Variants in CIDEB observed in about 807,000 individuals in gnomAD.
CIDEB encodes the protein lipid transferase CIDEB.
A neutral mutation model predicts 22.4 loss-of-function variants in CIDEB; 27 were observed. That is an observed-to-expected ratio of 1.21 (90% CI 0.89 to 1.66). The LOEUF (loss-of-function observed/expected upper bound fraction) is 1.66. Ranked by LOEUF, CIDEB falls within the 40% of genes most tolerant of loss-of-function variation. CIDEB has a pLI of 0.00. For missense variants in CIDEB, 289 were observed against 268.7 expected, an observed-to-expected ratio of 1.08 and a Z score of -0.53; for synonymous variants, 103 against 109.5, an observed-to-expected ratio of 0.94 and a Z score of 0.37.
upstream of CIDEB, chr14:24,311,088 C>T: frequency 6.4e-7 from 1 of 1,562,762 alleles, no homozygotes; most frequent in Non-Finnish European, 8.6e-7. Flanking sequence ...CCGCCGCCTG[C>T]TGCTGGCGGT....
chr14:24,310,398 C>T (rs1203450764), upstream of CIDEB: 2 of 629,192 alleles, frequency 3.2e-6, no homozygotes. Flanking sequence ...TGACTTTATG[C>T]CTGTTTACCA....
chr14:24,311,209 T>G, upstream of CIDEB: 2 of 1,608,976 alleles, frequency 1.2e-6, no homozygotes, highest in Non-Finnish European at 1.7e-6. Flanking sequence ...GCCGCCCACC[T>G]GAGCCTGGAG....
chr14:24,307,896 TG>T lies in CIDEB; in HGVS notation c.-39del. 1 of 1,556,198 alleles carries T rather than the reference TG, an allele frequency of 6.4e-7. No homozygotes were observed. The highest frequency in any genetic ancestry group is 8.7e-7 in the Non-Finnish European group (1 of 1,145,464). On this transcript the variant is annotated 5_prime_UTR_variant, in exon 1 of 5. Transcript: ENST00000554411. ...AGTTCCTTCCCTGGAACTTCTGGGC[TG>T]GGTGGTTCTCTCCTGTGCTGGGGCT...
chr14:24,306,522 G>T lies in CIDEB; in HGVS notation c.188C>A (p.Ala63Glu), dbSNP rs1459313856. ...TCCATTCAGCAGTAGGGTCTCCAAT[G>T]CCTGCCCAATGGCAAGAAGCAAGAA... ...AATRQELLAK[A>E]LETLLLNGVL... The change falls in exon 3 of 5, where the codon GCA becomes GAA. Residue 63 changes from alanine to glutamate, a missense_variant and splice_region_variant. Coordinates refer to ENST00000554411, the MANE Select transcript of CIDEB (RefSeq NM_001393339.1). 7 of 1,614,224 alleles carry T rather than the reference G, an allele frequency of 4.3e-6. No homozygotes were observed. Among genetic ancestry groups the T allele is most frequent in the Middle Eastern group, 1.6e-4 (1 of 6,062 alleles).
At position 24,305,515 on chromosome 14, in the gene CIDEB, T is replaced by C; in HGVS notation, c.*118A>G. 1.1e-5 allele frequency: 14 copies of C among 1,255,884 alleles called. No individual in the cohort carries two copies. Among genetic ancestry groups the C allele is most frequent in the Non-Finnish European group, 1.6e-5 (14 of 902,498 alleles). 77.8% of individuals were successfully genotyped at this position (1,255,884 alleles called of 1,614,324 possible). A position where few individuals can be genotyped will look rare whatever the true frequency, so the allele number is the denominator to read the frequency against. Reference sequence around the variant, plus strand: ...CTGTCACGAGGGGATCAGAGGACAGTGGGGAAATTGGGTGGGTTATCTAGC... The same window carrying C: ...CTGTCACGAGGGGATCAGAGGACAGCGGGGAAATTGGGTGGGTTATCTAGC... On this transcript the variant is annotated 3_prime_UTR_variant, in exon 5 of 5. Transcript: ENST00000554411.
chr14:24,305,221 G>A lies in CIDEB; in HGVS notation c.*412C>T, dbSNP rs1406814585. The A allele has an allele frequency of 1.9e-6, 2 of 1,062,570 alleles. No homozygotes were observed. The highest frequency in any genetic ancestry group is 2.3e-5 in the South Asian group (1 of 43,736). 65.8% of individuals were successfully genotyped at this position (1,062,570 alleles called of 1,614,324 possible). On this transcript the variant is annotated 3_prime_UTR_variant, in exon 5 of 5. Transcript: ENST00000554411. Reference sequence around the variant, plus strand: ...AATATTTGATATTTTTATTGGAAATGTTTTTGTTAGTTTGAGGGGAAGGGT... The same window carrying A: ...AATATTTGATATTTTTATTGGAAATATTTTTGTTAGTTTGAGGGGAAGGGT...
upstream of CIDEB, chr14:24,308,182 G>GT: frequency 1.1e-5 from 4 of 372,832 alleles, no homozygotes; most frequent in South Asian, 2.9e-5. Flanking sequence ...GACTTCTGGT[G>GT]TTTTTTTATT....
At chr14:24,310,534 C>A, upstream of CIDEB, 6 of 1,008,258 alleles carry the variant, frequency 6.0e-6, no homozygotes, top group Middle Eastern at 2.0e-4. Context: ...GACTCCCAGG[C>A]AGAAAAGAGG....
At chr14:24,308,136 G>A, upstream of CIDEB, 1 of 513,542 alleles carries the variant, frequency 1.9e-6, no homozygotes. Flanking sequence ...CATGTGTTGT[G>A]AGGGTAGATG....
Position 24,307,494 on chromosome 14 carries a change from C to T in CIDEB, c.63G>A (p.Ser21=), listed in dbSNP as rs780852667. 8.1e-6 allele frequency: 13 copies of T among 1,613,776 alleles called. No homozygotes were observed. Among genetic ancestry groups the T allele is most frequent in the South Asian group, 4.4e-5 (4 of 91,044 alleles). ...AGGTCCAGACCCTCCGTCCAAACTC[C>T]GAGCTTATATTAGATACTGACCTGG... The part of the protein sequence containing the change: ...DLLRSVSNIS[S]EFGRRVWTSA... Residue 21 remains serine, a synonymous_variant, in exon 2 of 5, where the codon TCG becomes TCA. Transcript: ENST00000554411.
In CIDEB at chr14:24,307,234, C is replaced by T. The variant is rs191717119; in HGVS notation, c.186+137G>A. 5.4e-6 allele frequency: 5 copies of T among 922,276 alleles called. No individual in the cohort carries two copies. The East Asian group carries it at 1.2e-4, about 23-fold the overall frequency. The allele number at this position is 922,276 out of a possible 1,614,324, so 57.1% of individuals were successfully genotyped here. ...CAAATTGACCAGAGCTCATTAGGCC[C>T]ACTCCGCTGCTTTTAGCCCTCAGAG... On this transcript the variant is annotated intron_variant, in intron 2 of 4. Coordinates refer to ENST00000554411, the MANE Select transcript of CIDEB (RefSeq NM_001393339.1).
chr14:24,308,353 C>A, upstream of CIDEB: 1 of 204,950 alleles, frequency 4.9e-6, no homozygotes, highest in Non-Finnish European at 1.0e-5. Flanking sequence ...GGGATGGCAG[C>A]ATGGCAGGGC....
upstream of CIDEB, chr14:24,310,561 A>C (rs371376421): frequency 8.1e-7 from 1 of 1,230,824 alleles, no homozygotes; most frequent in South Asian, 1.2e-5. Context: ...GCAGGGAAGT[A>C]AGGAGGAGGC....
At chr14:24,306,912 G>C in intron 2 of CIDEB, 1 of 289,322 alleles carries the variant, frequency 3.5e-6, no homozygotes, top group Non-Finnish European at 6.7e-6. Flanking sequence ...TAACCTTTTT[G>C]AGTCCTTACT....
upstream of CIDEB, chr14:24,310,490 T>G: frequency 2.7e-6 from 2 of 743,188 alleles, no homozygotes; most frequent in Non-Finnish European, 4.8e-6. Context: ...AGGAGTTGTG[T>G]TTGAGGTGGG....
upstream of CIDEB, chr14:24,311,138 C>T (rs1187655388): frequency 8.2e-6 from 13 of 1,591,628 alleles, no homozygotes; most frequent in Non-Finnish European, 1.0e-5. Context: ...CGGCCGCCGT[C>T]TACCGCCACC....
At position 24,306,048 on chromosome 14, in the gene CIDEB, GT is replaced by G; in HGVS notation, c.425del (p.Asn142ThrfsTer9). The G allele has an allele frequency of 6.2e-7, 1 of 1,614,182 alleles. No homozygotes were observed. The highest frequency in any genetic ancestry group is 8.5e-7 in the Non-Finnish European group (1 of 1,180,026). On this transcript the variant is annotated frameshift_variant, in exon 4 of 5. Coordinates refer to ENST00000554411, the MANE Select transcript of CIDEB (RefSeq NM_001393339.1). LOFTEE classifies it high-confidence loss of function. The part of the protein sequence containing the change: ...ARFTFDVYKQ[N>X]PRDLFGSLNV... ...TCAGGCTGCCAAAGAGGTCTCGAGG[GT>G]TTTGCTTGTACACGTCAAAGGTGAA...
In CIDEB at chr14:24,307,489, A is replaced by G; in HGVS notation, c.68T>C (p.Phe23Ser). The stretch of plus-strand genomic sequence containing the variant: ...AGCTGAGGTCCAGACCCTCCGTCCA[A>G]ACTCCGAGCTTATATTAGATACTGA... The part of the protein sequence containing the change: ...LRSVSNISSE[F>S]GRRVWTSAPP... The change falls in exon 2 of 5, where the codon TTT becomes TCT. Residue 23 changes from phenylalanine to serine, a missense_variant. Phe to Ser is a radical substitution (Grantham distance 155). Transcript: ENST00000554411. 1.2e-6 allele frequency: 2 copies of G among 1,614,018 alleles called. No individual in the cohort carries two copies.
At chr14:24,306,755 C>T in intron 2 of CIDEB, 2 of 552,124 alleles carry the variant, frequency 3.6e-6, no homozygotes, top group South Asian at 2.2e-5. Context: ...TGGCATCTCC[C>T]CTTGCTCCCC....
Sources: allele counts gnomAD v4.1 joint callset, GRCh38; gene constraint gnomAD v4.1.1; transcripts MANE v1.5; gene names NCBI Gene and HGNC (gene_info 2026-07-23, HGNC 2026-07-21).